ARFGEF3: variants seen among roughly 807,000 people sequenced by gnomAD.
ARFGEF3 encodes ARFGEF family member 3.
A neutral mutation model predicts 221.7 loss-of-function variants in ARFGEF3; 96 were observed. The ratio of observed to expected loss-of-function variants is 0.43; its 90% CI spans 0.37 to 0.51. The LOEUF is 0.51. Ranked by LOEUF, ARFGEF3 falls within the 20% of genes least tolerant of loss-of-function variation. The pLI, the probability that ARFGEF3 is intolerant of heterozygous loss-of-function variation, is 0.00. For synonymous variants in ARFGEF3, 1,145 were observed against 1,126.8 expected, an observed-to-expected ratio of 1.02 and a Z score of -0.32; for missense variants, 2,410 against 2,789.9, an observed-to-expected ratio of 0.86 and a Z score of 3.07.
chr6:138,296,737 T>C lies in ARFGEF3; in HGVS notation c.3503-73T>C, dbSNP rs1779529950. The C allele has an allele frequency of 2.6e-6, 4 of 1,547,528 alleles. No individual in the cohort carries two copies. The South Asian group carries it at 3.7e-5, about 14-fold the overall frequency. ...TGGTCCTACCTAGATTTTCAACCTCTCTCTTTGCTTGAATAGGTCAGACTA... is the reference window on the plus strand; with the variant it reads ...TGGTCCTACCTAGATTTTCAACCTCCCTCTTTGCTTGAATAGGTCAGACTA... On this transcript the variant is annotated intron_variant, in intron 20 of 33. Transcript: ENST00000251691.
intron 3 of ARFGEF3, among the ~76,000 whole-genome samples, 197 bp downstream of exon 3, chr6:138,207,320 G>A (rs6570215): frequency 0.22 from 33,639 of 152,054 alleles, 6,035 homozygotes; most frequent in African/African-American, 0.48. Flanking sequence ...GCATTATTTC[G>A]TTGAACCTTT....
chr6:138,206,439 G>C (rs1777626386), intron 2 of ARFGEF3, among the ~76,000 whole-genome samples: 1 of 141,156 alleles, frequency 7.1e-6, no homozygotes, highest in African/African-American at 2.6e-5. Flanking sequence ...TTGTATTTCT[G>C]TCTTGGAAAC....
At chr6:138,296,600 G>T (rs2114644072) in intron 20 of ARFGEF3, among the ~76,000 whole-genome samples, 1 of 152,194 alleles carries the variant, frequency 6.6e-6, no homozygotes, top group East Asian at 1.9e-4. Context: ...CAGGTACCGG[G>T]GCTACAGTGG....
intron 24 of ARFGEF3, among the ~76,000 whole-genome samples, chr6:138,310,666 T>C (rs1307181510): frequency 6.6e-6 from 1 of 152,222 alleles, no homozygotes; most frequent in Non-Finnish European, 1.5e-5. Context: ...TGTAGACAAT[T>C]AGAAACAATT....
At position 138,171,606 on chromosome 6, in the gene ARFGEF3, G is replaced by C. The variant is rs1776833197; in HGVS notation, c.137+893G>C. Among the ~76,000 whole-genome samples, 3 of 152,116 alleles carry C rather than the reference G, an allele frequency of 2.0e-5. No homozygotes were observed. The South Asian group carries it at 6.2e-4, about 32-fold the overall frequency. On this transcript the variant is annotated intron_variant, in intron 2 of 33. Coordinates refer to ENST00000251691, the MANE Select transcript of ARFGEF3 (RefSeq NM_020340.5). Reference sequence around the variant, plus strand: ...AATGCCTGCCTCTGTAGAAAAATTGGAAAGAACAATACAACAAAAAAGAAA... The same window carrying C: ...AATGCCTGCCTCTGTAGAAAAATTGCAAAGAACAATACAACAAAAAAGAAA...
chr6:138,267,479 C>T (rs1778918913), intron 12 of ARFGEF3, among the ~76,000 whole-genome samples: 1 of 152,184 alleles, frequency 6.6e-6, no homozygotes, highest in African/African-American at 2.4e-5. Context: ...GAAGTTTCAG[C>T]ACAATATATA....
chr6:138,331,645 A>G (rs1780228995), intron 32 of ARFGEF3, among the ~76,000 whole-genome samples: 1 of 152,260 alleles, frequency 6.6e-6, no homozygotes, highest in Non-Finnish European at 1.5e-5. Flanking sequence ...TTGTTATGCA[A>G]TTAACTCTCA....
At position 138,324,080 on chromosome 6, in the gene ARFGEF3, G is replaced by C; in HGVS notation, c.4927G>C (p.Val1643Leu). ...TESFSGEGCQ[V>L]RVAAPSSSPS... ...GAGCTTCAGCGGGGAAGGCTGCCAG[G>C]TGCGAGTGGCGGCCCCGTCCTCCTC... Residue 1643 changes from valine to leucine, a missense_variant, in exon 31 of 34, where the codon GTG becomes CTG. Around this residue, in one of 5 missense-constraint regions of ARFGEF3, gnomAD observed 723 missense variants for 991.9 expected, o/e 0.73. Coordinates refer to ENST00000251691, the MANE Select transcript of ARFGEF3 (RefSeq NM_020340.5). 6.2e-7 allele frequency: 1 copy of C among 1,613,928 alleles called. No homozygotes were observed. Among genetic ancestry groups the C allele is most frequent in the South Asian group, 1.1e-5 (1 of 91,076 alleles).
rs184182194 is a variant in ARFGEF3 at position 138,222,194 on chromosome 6, G to A, written c.352-7590G>A. Among the ~76,000 whole-genome samples, 127 of 152,224 alleles carry A rather than the reference G, an allele frequency of 8.3e-4. 1 individual carries two copies. Among genetic ancestry groups the A allele is most frequent in the African/African-American group, 2.6e-3 (108 of 41,524 alleles). On this transcript the variant is annotated intron_variant, in intron 4 of 33. Transcript: ENST00000251691. ...TCTTTTAGCTTCCCTGAGCCACATCGGAAGAAGAATTGTCTCAGGCCACAC... is the reference window on the plus strand; with the variant it reads ...TCTTTTAGCTTCCCTGAGCCACATCAGAAGAAGAATTGTCTCAGGCCACAC...
chr6:138,239,407 G>A (rs1347476548), intron 6 of ARFGEF3, among the ~76,000 whole-genome samples: 1 of 152,052 alleles, frequency 6.6e-6, no homozygotes, highest in Admixed American at 6.5e-5. Context: ...CAGCACTTTG[G>A]GAGGCCGAGG....
At chr6:138,206,909 G>C (rs114844043) in intron 2 of ARFGEF3, 133 bp from the exon 3 acceptor site, 1 of 658,572 alleles carries the variant, frequency 1.5e-6, no homozygotes, top group African/African-American at 1.8e-5. Context: ...AAGCCCATGT[G>C]CATTTTTATT....
Position 138,168,937 on chromosome 6 carries a change from G to A in ARFGEF3, c.86-1725G>A, listed in dbSNP as rs540221549. 2.8e-4 allele frequency among the ~76,000 whole-genome samples: 42 copies of A among 152,288 alleles called. No homozygotes were observed. In the East Asian group the frequency reaches 8.1e-3, roughly 29 times the overall value. ...TTCTCACCACTGGGTCCCTAGCCCA[G>A]GACCTGGTTCAGTGTTTAGTGAGAG... is the stretch of plus-strand genomic sequence containing the variant. On this transcript the variant is annotated intron_variant, in intron 1 of 33. Transcript: ENST00000251691.
chr6:138,284,389 G>A (rs1469809342), intron 14 of ARFGEF3, among the ~76,000 whole-genome samples: 1 of 152,152 alleles, frequency 6.6e-6, no homozygotes, highest in African/African-American at 2.4e-5. Flanking sequence ...AGCTATGTTA[G>A]TTGCATCCAA....
intron 15 of ARFGEF3, 88 bp from the exon 16 acceptor site, chr6:138,286,612 TG>T (rs1779299481): frequency 2.0e-6 from 2 of 1,000,960 alleles, no homozygotes; most frequent in African/African-American, 3.2e-5. Context: ...AACTGAGTAC[TG>T]CTCATTTGAT....
intron 2 of ARFGEF3, among the ~76,000 whole-genome samples, chr6:138,182,721 T>C (rs1445442878): frequency 6.6e-6 from 1 of 152,158 alleles, no homozygotes; most frequent in African/African-American, 2.4e-5. Context: ...AACTCTTACC[T>C]CTCCACCTTC....
intron 2 of ARFGEF3, among the ~76,000 whole-genome samples, chr6:138,198,567 G>C (rs1777474919): frequency 6.6e-6 from 1 of 152,142 alleles, no homozygotes; most frequent in South Asian, 2.1e-4. Context: ...TCATTAACAT[G>C]AATAATAACA....
intron 22 of ARFGEF3, among the ~76,000 whole-genome samples, chr6:138,302,323 G>A (rs558124483): frequency 3.9e-5 from 6 of 152,158 alleles, no homozygotes; most frequent in South Asian, 2.1e-4. Context: ...TTAGCTATAC[G>A]GGCTTACCAG....
chr6:138,304,481 A>C (rs553129577), intron 22 of ARFGEF3, among the ~76,000 whole-genome samples: 14 of 152,236 alleles, frequency 9.2e-5, no homozygotes, highest in Non-Finnish European at 1.8e-4. Context: ...TAGTCTTTGA[A>C]GAAAAAATAT....
intron 2 of ARFGEF3, among the ~76,000 whole-genome samples, chr6:138,175,213 G>A (rs1776916481): frequency 6.6e-6 from 1 of 152,194 alleles, no homozygotes. Context: ...AGGGAGGCAG[G>A]TCCAGGGAAT....
Sources: allele counts gnomAD v4.1 joint callset (sites outside exome capture counted in the v4.1 genomes callset), GRCh38; gene constraint gnomAD v4.1.1; regional missense constraint gnomAD v4.1.1; transcripts MANE v1.5; gene names NCBI Gene and HGNC (gene_info 2026-07-23, HGNC 2026-07-21).